ZNF569: variants seen among roughly 807,000 people sequenced by gnomAD.
The protein encoded by ZNF569 is DNA-binding protein.
Under a neutral mutation model 56.3 loss-of-function variants are expected in ZNF569, and 38 were observed. The ratio of observed to expected loss-of-function variants is 0.68; its 90% CI spans 0.52 to 0.88. ZNF569 has a LOEUF of 0.88. Among genes scored for constraint, ZNF569 ranks in the 40% least tolerant of loss-of-function variants. The pLI is 0.00. For missense variants in ZNF569, 666 were observed against 809.2 expected (o/e 0.82, Z 2.15); for synonymous variants, 241 against 262.9 (o/e 0.92, Z 0.81).
rs145028815 is a variant in ZNF569, at chr19:37,443,499, A to G, written c.15+1408T>C. On this transcript the variant is annotated intron_variant, in intron 3 of 5. Coordinates refer to ENST00000316950, the MANE Select transcript of ZNF569 (RefSeq NM_152484.3). ...CAAGTATTCACAGAATATCAAGTGT[A>G]CTAGGTGATCTTCTAGGTACTGGAG... Among the ~76,000 whole-genome samples the G allele has an allele frequency of 1.7e-3, 266 of 152,338 alleles. 2 individuals are homozygous for G. Among genetic ancestry groups the G allele is most frequent in the Middle Eastern group, 6.8e-3 (2 of 294 alleles).
intron 2 of ZNF569, among the ~76,000 whole-genome samples, chr19:37,455,896 T>C (rs2041663627): frequency 6.6e-6 from 1 of 152,238 alleles, no homozygotes; most frequent in African/African-American, 2.4e-5. Context: ...TACCGCTCTA[T>C]CTGGGATCTA....
At chr19:37,430,011 G>C (rs1399435963) in intron 3 of ZNF569, among the ~76,000 whole-genome samples, 1 of 152,152 alleles carries the variant, frequency 6.6e-6, no homozygotes, top group Non-Finnish European at 1.5e-5. Context: ...TGGGCAAGAT[G>C]ATGAGACCCT....
chr19:37,451,753 C>T lies in ZNF569; in HGVS notation c.-43-6789G>A, dbSNP rs1182671549. Among the ~76,000 whole-genome samples, 6 of 152,080 alleles carry T rather than the reference C, an allele frequency of 3.9e-5. 1 individual carries two copies. The highest frequency in any genetic ancestry group is 3.3e-4 in the Admixed American group (5 of 15,278). On this transcript the variant is annotated intron_variant, in intron 2 of 5. Coordinates refer to ENST00000316950, the MANE Select transcript of ZNF569 (RefSeq NM_152484.3). ...TTATCTGACATATGTATAGCTACCC[C>T]GCTGTCTTTTGGTTACCATTTGCAT...
intron 3 of ZNF569, among the ~76,000 whole-genome samples, chr19:37,429,613 G>A (rs1034012758): frequency 6.6e-6 from 1 of 152,190 alleles, no homozygotes; most frequent in Non-Finnish European, 1.5e-5. Context: ...AAGCATAGTT[G>A]GCAAACAGCC....
chr19:37,451,910 G>A (rs1318927925), intron 2 of ZNF569, among the ~76,000 whole-genome samples: 1 of 152,176 alleles, frequency 6.6e-6, no homozygotes, highest in Non-Finnish European at 1.5e-5. Flanking sequence ...TGATTGGGGA[G>A]TTTAATGTGC....
intron 3 of ZNF569, among the ~76,000 whole-genome samples, chr19:37,439,907 G>A (rs1397927333): frequency 6.6e-6 from 1 of 152,178 alleles, no homozygotes; most frequent in Non-Finnish European, 1.5e-5. Context: ...CCAGCAGCTA[G>A]GAAGGATAGT....
intron 5 of ZNF569, among the ~76,000 whole-genome samples, chr19:37,422,660 A>C (rs2041058128): frequency 6.6e-6 from 1 of 152,234 alleles, no homozygotes; most frequent in South Asian, 2.1e-4. Flanking sequence ...GTATAAATGC[A>C]TGAGGAAGAA....
intron 3 of ZNF569, among the ~76,000 whole-genome samples, chr19:37,443,664 T>C (rs1296777968): frequency 6.6e-6 from 1 of 152,128 alleles, no homozygotes; most frequent in Non-Finnish European, 1.5e-5. Context: ...TAGGGTCATC[T>C]GAAAGACACA....
chr19:37,439,943 T>C (rs1175497810), intron 3 of ZNF569, among the ~76,000 whole-genome samples: 1 of 152,180 alleles, frequency 6.6e-6, no homozygotes, highest in Non-Finnish European at 1.5e-5. Flanking sequence ...GGATGGTTAA[T>C]GGGTACAAAT....
chr19:37,418,074 C>A lies in ZNF569; in HGVS notation c.239-3655G>T, dbSNP rs142740710. On this transcript the variant is annotated intron_variant, in intron 5 of 5. Coordinates refer to ENST00000316950, the MANE Select transcript of ZNF569 (RefSeq NM_152484.3). ...CAAGATCGCGCCACTGTACTCCAGC[C>A]TGGGTAACAGAGTGAGACTCCATCT... 2.3e-4 allele frequency among the ~76,000 whole-genome samples: 35 copies of A among 150,238 alleles called. No homozygotes were observed. In the East Asian group the frequency reaches 6.7e-3, roughly 29 times the overall value.
chr19:37,447,897 G>T (rs1445397645), intron 2 of ZNF569, among the ~76,000 whole-genome samples: 1 of 152,120 alleles, frequency 6.6e-6, no homozygotes, highest in East Asian at 1.9e-4. Context: ...TGTAGTAATT[G>T]ATTTTCAAAG....
At chr19:37,434,248 C>T (rs561855153) in intron 3 of ZNF569, among the ~76,000 whole-genome samples, 1 of 149,106 alleles carries the variant, frequency 6.7e-6, no homozygotes, top group African/African-American at 2.5e-5. Flanking sequence ...TGCAGTGAGC[C>T]GAGATTGTGC....
At chr19:37,433,576 T>C (rs1241683457) in intron 3 of ZNF569, among the ~76,000 whole-genome samples, 2 of 152,036 alleles carry the variant, frequency 1.3e-5, no homozygotes, top group African/African-American at 2.4e-5. Flanking sequence ...TAAAGGTCAA[T>C]GATAAAGAAA....
At chr19:37,458,239 T>C (rs568390914) in intron 2 of ZNF569, among the ~76,000 whole-genome samples, 15 of 152,350 alleles carry the variant, frequency 9.8e-5, no homozygotes, top group African/African-American at 3.4e-4. Flanking sequence ...AAGGGGTACA[T>C]GTGCTTGTTT....
At position 37,413,790 on chromosome 19, in the gene ZNF569, T is replaced by C. The variant is rs1328124332; in HGVS notation, c.868A>G (p.Lys290Glu). ...SQKSNLIDHE[K>E]IHTGEKPYEC... is the part of the protein sequence containing the mutation. ...TAAGGTTTCTCTCCAGTATGAATTT[T>C]TTCATGATCAATAAGATTTGATTTC... The change falls in exon 6 of 6, where the codon AAA becomes GAA. Residue 290 changes from lysine to glutamate, a missense_variant. Coordinates refer to ENST00000316950, the MANE Select transcript of ZNF569 (RefSeq NM_152484.3). The C allele has an allele frequency of 6.2e-7, 1 of 1,613,608 alleles. No individual in the cohort carries two copies. The highest frequency in any genetic ancestry group is 1.3e-5 in the African/African-American group (1 of 74,928).
intron 2 of ZNF569, among the ~76,000 whole-genome samples, chr19:37,455,417 A>G (rs1432921992): frequency 6.6e-6 from 1 of 152,156 alleles, no homozygotes. Context: ...AGCCATATCA[A>G]TTTGTTTAGT....
At chr19:37,457,270 A>T (rs1411620891) in intron 2 of ZNF569, among the ~76,000 whole-genome samples, 7 of 152,206 alleles carry the variant, frequency 4.6e-5, no homozygotes, top group Admixed American at 2.0e-4. Flanking sequence ...AATATCCTTT[A>T]AAACCAATTT....
chr19:37,469,173 G>A, upstream of ZNF569: 1 of 1,203,266 alleles, frequency 8.3e-7, no homozygotes, highest in Non-Finnish European at 1.0e-6. Context: ...CCGGGGAGAG[G>A]CCAGTGTGGG....
rs1345032188 is a variant in ZNF569 at position 37,467,416 on chromosome 19, A to T, written c.-537T>A. On this transcript the variant is annotated 5_prime_UTR_variant, in exon 1 of 6. Transcript: ENST00000316950. ...ATTGGGAGCGCAACTTGGTGCTGAG[A>T]AGAATCGAATCGTTCCGCTGCTTCC... 2 of 166,632 alleles carry T rather than the reference A, an allele frequency of 1.2e-5. No homozygotes were observed. The highest frequency in any genetic ancestry group is 1.3e-5 in the Non-Finnish European group (1 of 77,290). The allele number at this position is 166,632 out of a possible 1,614,324, so 10.3% of individuals were successfully genotyped here. A position where few individuals can be genotyped will look rare whatever the true frequency, so the allele number is the denominator to read the frequency against.
Sources: allele counts gnomAD v4.1 joint callset (sites outside exome capture counted in the v4.1 genomes callset), GRCh38; gene constraint gnomAD v4.1.1; transcripts MANE v1.5; gene names NCBI Gene and HGNC (gene_info 2026-07-23, HGNC 2026-07-21).